The following EPHA3 variants were observed in gnomAD, a reference collection of about 807,000 sequenced individuals.
EPHA3 encodes ephrin type-A receptor 3.
In EPHA3, 42 loss-of-function variants were observed where a neutral mutation model predicts 107.1. That is an observed-to-expected ratio of 0.39 (90% confidence interval 0.31 to 0.51). The LOEUF (loss-of-function observed/expected upper bound fraction) is 0.51, where lower values mean the gene tolerates loss of function less well. Ranked by LOEUF, EPHA3 falls within the 20% of genes least tolerant of loss-of-function variation. The pLI is 0.78. For missense variants in EPHA3, 1,183 were observed against 1,211.2 expected (o/e 0.98, Z 0.35); for synonymous variants, 461 against 424.8 (o/e 1.09, Z -1.05).
At position 89,481,900 on chromosome 3, in the gene EPHA3, T is replaced by C. The variant is rs1710626830; in HGVS notation, c.*2398T>C. ...TTTTGTATCTTAAATTTGATTTACA[T>C]ATATTATTTATTTCTGGTAACTCAC... is the stretch of plus-strand genomic sequence containing the variant. On this transcript the variant is annotated 3_prime_UTR_variant, in exon 17 of 17. Transcript: ENST00000336596. The C allele has an allele frequency of 4.4e-6, 1 of 228,586 alleles. No homozygotes were observed. Among genetic ancestry groups the C allele is most frequent in the South Asian group, 1.8e-4 (1 of 5,492 alleles). 14.2% of individuals were successfully genotyped at this position (228,586 alleles called of 1,614,324 possible).
At chr3:89,376,687 A>G (rs572559062) in intron 5 of EPHA3, among the ~76,000 whole-genome samples, 5 of 152,092 alleles carry the variant, frequency 3.3e-5, no homozygotes, top group Non-Finnish European at 5.9e-5. Flanking sequence ...AAATGTGTTG[A>G]TAAGATTTCA....
intron 2 of EPHA3, among the ~76,000 whole-genome samples, chr3:89,133,851 C>T (rs1255363858): frequency 2.6e-5 from 4 of 151,994 alleles, no homozygotes; most frequent in East Asian, 1.9e-4. Context: ...ACAGTGACCA[C>T]GGCTTTTTTA....
intron 3 of EPHA3, among the ~76,000 whole-genome samples, chr3:89,217,369 GC>G (rs1704244702): frequency 1.3e-5 from 2 of 151,918 alleles, no homozygotes. Context: ...GCTTATGGAT[GC>G]CTTTTCTAGG....
At chr3:89,273,111 C>T (rs796730886) in intron 3 of EPHA3, among the ~76,000 whole-genome samples, 11 of 151,974 alleles carry the variant, frequency 7.2e-5, no homozygotes, top group African/African-American at 2.4e-4. Flanking sequence ...AATTTTTTAA[C>T]GTTTGTATGC....
In EPHA3 at chr3:89,341,901, T is replaced by C; in HGVS notation, c.1117T>C (p.Cys373Arg). The change falls in exon 5 of 17, where the codon TGT becomes CGT. Residue 373 changes from cysteine (C) to arginine (R), a missense_variant. By Grantham distance (180) the Cys-to-Arg change is radical. Coordinates refer to ENST00000336596, the MANE Select transcript of EPHA3 (RefSeq NM_005233.6). The stretch of plus-strand genomic sequence containing the variant: ...AAAATGTGGGTGGAATATAAAACAG[T>C]GTGAGCCATGCAGCCCAAATGTCCG... Reference protein sequence around the residue: ...CKKCGWNIKQCEPCSPNVRFL... With the variant: ...CKKCGWNIKQREPCSPNVRFL... 6.2e-7 allele frequency: 1 copy of C among 1,613,714 alleles called. No homozygotes were observed.
chr3:89,189,640 GC>G (rs1245979204), intron 2 of EPHA3, among the ~76,000 whole-genome samples: 1 of 152,152 alleles, frequency 6.6e-6, no homozygotes, highest in Non-Finnish European at 1.5e-5. Context: ...TCTAGTCTAA[GC>G]CACTTTTCTC....
At chr3:89,459,571 C>A (rs1439452260) in intron 15 of EPHA3, among the ~76,000 whole-genome samples, 3 of 151,252 alleles carry the variant, frequency 2.0e-5, no homozygotes, top group African/African-American at 7.3e-5. Flanking sequence ...GTGTTTCACT[C>A]TTGTCGCCCG....
At chr3:89,430,944 T>C (rs1480528484) in intron 12 of EPHA3, among the ~76,000 whole-genome samples, 1 of 152,188 alleles carries the variant, frequency 6.6e-6, no homozygotes, top group African/African-American at 2.4e-5. Flanking sequence ...ATACTTCCTG[T>C]TACAAAGTAT....
intron 3 of EPHA3, among the ~76,000 whole-genome samples, chr3:89,314,004 A>G (rs182671822): frequency 6.6e-6 from 1 of 152,094 alleles, no homozygotes; most frequent in Admixed American, 6.6e-5. Flanking sequence ...TTGATGCTGT[A>G]TGTACACACA....
chr3:89,330,742 C>T (rs967877246), intron 3 of EPHA3, among the ~76,000 whole-genome samples: 1 of 152,078 alleles, frequency 6.6e-6, no homozygotes, highest in Non-Finnish European at 1.5e-5. Flanking sequence ...TATTTTGCAG[C>T]ATCCACAGAA....
At chr3:89,313,450 G>A (rs1232830309) in intron 3 of EPHA3, among the ~76,000 whole-genome samples, 1 of 151,594 alleles carries the variant, frequency 6.6e-6, no homozygotes, top group Non-Finnish European at 1.5e-5. Context: ...TACACTGTTA[G>A]TTTAACAAAA....
chr3:89,183,924 T>G (rs1705501693), intron 2 of EPHA3, among the ~76,000 whole-genome samples: 1 of 152,038 alleles, frequency 6.6e-6, no homozygotes, highest in Non-Finnish European at 1.5e-5. Context: ...GAAATGATTA[T>G]GTAAATGATC....
chr3:89,254,353 CA>C (rs768168987), intron 3 of EPHA3, among the ~76,000 whole-genome samples: 11 of 152,124 alleles, frequency 7.2e-5, no homozygotes, highest in Admixed American at 6.6e-4. Flanking sequence ...TTATTTCCTT[CA>C]GTGATACATT....
intron 11 of EPHA3, among the ~76,000 whole-genome samples, chr3:89,422,918 G>A (rs1709379440): frequency 6.6e-6 from 1 of 151,312 alleles, no homozygotes; most frequent in African/African-American, 2.4e-5. Context: ...AGGTGAGAGA[G>A]TCTCTGATCT....
At chr3:89,119,872 A>G (rs1448405917) in intron 1 of EPHA3, among the ~76,000 whole-genome samples, 1 of 152,098 alleles carries the variant, frequency 6.6e-6, no homozygotes, top group African/African-American at 2.4e-5. Context: ...AGAATTTTGA[A>G]TCTTTATATC....
At chr3:89,313,010 G>A (rs1334742394) in intron 3 of EPHA3, among the ~76,000 whole-genome samples, 1 of 151,778 alleles carries the variant, frequency 6.6e-6, no homozygotes, top group Non-Finnish European at 1.5e-5. Flanking sequence ...GTTGATTCCG[G>A]GTCTTTGCTA....
intron 3 of EPHA3, among the ~76,000 whole-genome samples, chr3:89,311,309 G>A (rs1706761193): frequency 6.6e-6 from 1 of 151,952 alleles, no homozygotes; most frequent in Admixed American, 6.6e-5. Flanking sequence ...ATAAAAGAGT[G>A]CTGACATTTT....
At chr3:89,371,383 A>G (rs2107471653) in intron 5 of EPHA3, among the ~76,000 whole-genome samples, 1 of 151,776 alleles carries the variant, frequency 6.6e-6, no homozygotes, top group South Asian at 2.1e-4. Context: ...TATCGTCGAC[A>G]TTTTGGTACC....
At chr3:89,164,070 G>A (rs1369249590) in intron 2 of EPHA3, among the ~76,000 whole-genome samples, 8 of 152,132 alleles carry the variant, frequency 5.3e-5, no homozygotes, top group South Asian at 2.1e-4. Flanking sequence ...TGATGATTTT[G>A]AATTCTTCAG....
Sources: gnomAD v4.1 joint callset for allele counts (sites outside exome capture counted in the v4.1 genomes callset) on GRCh38, gnomAD v4.1.1 for gene constraint, MANE v1.5 for transcripts, NCBI Gene and HGNC (gene_info 2026-07-23, HGNC 2026-07-21) for gene names.